Variants in MEI4 observed in about 807,000 individuals in gnomAD.
The protein encoded by MEI4 is meiotic double-stranded break formation protein 4.
MEI4 carries 27 observed loss-of-function variants against 31.4 expected under a neutral mutation model. That is an observed-to-expected ratio of 0.86 (90% CI 0.63 to 1.19). The LOEUF is 1.19. MEI4 is among the 50% of genes most tolerant of loss of function. The probability of loss-of-function intolerance (pLI) is 0.00; values close to 1 mark genes in which losing one functional copy is unlikely to be tolerated. For missense variants in MEI4, 329 were observed against 398.9 expected (o/e 0.82, Z 1.49); for synonymous variants, 122 against 145.4 (o/e 0.84, Z 1.16).
intron 2 of MEI4, among the ~76,000 whole-genome samples, chr6:77,751,296 CA>C (rs199841545): frequency 2.7e-5 from 4 of 147,802 alleles, no homozygotes; most frequent in South Asian, 4.3e-4. Flanking sequence ...TAGAAACACA[CA>C]AAAAAAAACC....
In MEI4 at chr6:77,923,074, G is replaced by A. The variant is rs1250583396; in HGVS notation, c.901-15G>A. 4 of 1,228,302 alleles carry A rather than the reference G, an allele frequency of 3.3e-6. No individual in the cohort carries two copies. The highest frequency in any genetic ancestry group is 4.1e-6 in the Non-Finnish European group (4 of 985,068). 76.1% of individuals were successfully genotyped at this position (1,228,302 alleles called of 1,614,324 possible). A position where few individuals can be genotyped will look rare whatever the true frequency, so the allele number is the denominator to read the frequency against. On this transcript the variant is annotated splice_polypyrimidine_tract_variant and intron_variant, in intron 4 of 4. Transcript: ENST00000684080. ...TATACCCAATTTTTTAAAGGAGTTTGTTGTTTATTTGTAGGAGCAAGCCAG... is the reference window on the plus strand; with the variant it reads ...TATACCCAATTTTTTAAAGGAGTTTATTGTTTATTTGTAGGAGCAAGCCAG...
chr6:77,696,846 G>T (rs889508696), intron 2 of MEI4, among the ~76,000 whole-genome samples: 1 of 152,174 alleles, frequency 6.6e-6, no homozygotes, highest in Non-Finnish European at 1.5e-5. Context: ...AATGGTACCA[G>T]CTCCTCCTAG....
chr6:77,704,625 G>A (rs774916538), intron 2 of MEI4, among the ~76,000 whole-genome samples: 1 of 152,136 alleles, frequency 6.6e-6, no homozygotes, highest in Non-Finnish European at 1.5e-5. Context: ...TCTAAGTGGG[G>A]CTCAGCAGTT....
chr6:77,739,506 A>C (rs189689680), intron 2 of MEI4, among the ~76,000 whole-genome samples: 393 of 152,214 alleles, frequency 2.6e-3, no homozygotes, highest in African/African-American at 9.2e-3. Flanking sequence ...CTCACTCATA[A>C]GTGGAAGTTG....
At chr6:77,819,134 G>A (rs1769756410) in intron 3 of MEI4, among the ~76,000 whole-genome samples, 1 of 152,112 alleles carries the variant, frequency 6.6e-6, no homozygotes. Flanking sequence ...TAGGTATAAA[G>A]TGATATGTTA....
chr6:77,799,010 T>C (rs1357568102), intron 3 of MEI4, among the ~76,000 whole-genome samples: 1 of 152,144 alleles, frequency 6.6e-6, no homozygotes, highest in African/African-American at 2.4e-5. Flanking sequence ...ATATACCCAG[T>C]AATGGGATTG....
chr6:77,664,189 G>C (rs1032572362), intron 1 of MEI4, among the ~76,000 whole-genome samples: 1 of 152,164 alleles, frequency 6.6e-6, no homozygotes, highest in Non-Finnish European at 1.5e-5. Context: ...ATTAAATCCT[G>C]TTGTGGGGTT....
intron 2 of MEI4, among the ~76,000 whole-genome samples, chr6:77,712,308 T>C (rs1270251015): frequency 2.6e-5 from 4 of 152,158 alleles, no homozygotes; most frequent in Non-Finnish European, 5.9e-5. Context: ...TTTCGAACAG[T>C]TCCAAGCTGT....
At chr6:77,808,902 G>A (rs939289007) in intron 3 of MEI4, among the ~76,000 whole-genome samples, 3 of 152,164 alleles carry the variant, frequency 2.0e-5, no homozygotes, top group Non-Finnish European at 4.4e-5. Flanking sequence ...TTATACTCCT[G>A]CATTGATCAA....
At position 77,803,230 on chromosome 6, in the gene MEI4, C is replaced by T. The variant is rs186370573; in HGVS notation, c.769-25701C>T. ...ACTTCATTTCATTCATTTCATCTTC[C>T]ATCACTGATACCCTTTCTTCCAGTT... On this transcript the variant is annotated intron_variant, in intron 3 of 4. Transcript: ENST00000684080. 7.3e-3 allele frequency among the ~76,000 whole-genome samples: 1,110 copies of T among 152,278 alleles called. 13 individuals carry two copies. The highest frequency in any genetic ancestry group is 0.01 in the Middle Eastern group (3 of 294).
chr6:77,880,230 G>T (rs531663782), intron 4 of MEI4, among the ~76,000 whole-genome samples: 4,353 of 136,870 alleles, frequency 0.032, 97 homozygotes, highest in African/African-American at 0.073. Flanking sequence ...GGTTTTTTTT[G>T]TTTGTTTTTT....
intron 2 of MEI4, among the ~76,000 whole-genome samples, chr6:77,743,209 G>C (rs1169173394): frequency 6.6e-6 from 1 of 152,106 alleles, no homozygotes; most frequent in Non-Finnish European, 1.5e-5. Context: ...AATTACCTTG[G>C]GCAGTATGGC....
At chr6:77,819,630 A>G (rs1769769364) in intron 3 of MEI4, among the ~76,000 whole-genome samples, 1 of 152,146 alleles carries the variant, frequency 6.6e-6, no homozygotes, top group African/African-American at 2.4e-5. Context: ...ACATTAATCT[A>G]TGATGTAGAA....
intron 2 of MEI4, among the ~76,000 whole-genome samples, chr6:77,733,564 A>C (rs1157230973): frequency 2.0e-5 from 3 of 151,848 alleles, no homozygotes; most frequent in East Asian, 3.9e-4. Flanking sequence ...TTTGTTGATC[A>C]TTTCAAAAAA....
intron 3 of MEI4, among the ~76,000 whole-genome samples, chr6:77,803,404 G>A (rs1186689843): frequency 1.3e-5 from 2 of 151,984 alleles, no homozygotes; most frequent in African/African-American, 4.8e-5. Context: ...TAACTTCCTT[G>A]CCATGGGTTT....
chr6:77,883,245 A>G (rs926639768), intron 4 of MEI4, among the ~76,000 whole-genome samples: 9 of 152,122 alleles, frequency 5.9e-5, no homozygotes, highest in Admixed American at 1.3e-4. Flanking sequence ...ATCTGTAATG[A>G]TCAAATCAAG....
At chr6:77,782,591 T>C (rs2127691621) in intron 3 of MEI4, among the ~76,000 whole-genome samples, 1 of 152,180 alleles carries the variant, frequency 6.6e-6, no homozygotes, top group East Asian at 1.9e-4. Flanking sequence ...AGGGAAAAGG[T>C]CTGAAAGAGG....
chr6:77,907,725 C>T (rs1310758721), intron 4 of MEI4, among the ~76,000 whole-genome samples: 1 of 152,152 alleles, frequency 6.6e-6, no homozygotes, highest in East Asian at 1.9e-4. Context: ...GACTTCCACA[C>T]TGACTGCCAC....
chr6:77,784,296 T>C (rs1768673738), intron 3 of MEI4, among the ~76,000 whole-genome samples: 1 of 152,148 alleles, frequency 6.6e-6, no homozygotes, highest in South Asian at 2.1e-4. Context: ...CTACTGAAGT[T>C]TTAAGATGCT....
Sources: allele counts gnomAD v4.1 joint callset (sites outside exome capture counted in the v4.1 genomes callset), GRCh38; gene constraint gnomAD v4.1.1; transcripts MANE v1.5; gene names NCBI Gene and HGNC (gene_info 2026-07-23, HGNC 2026-07-21).